Variants in BRME1 observed in about 807,000 individuals in gnomAD.
BRME1 encodes BRCA2 and MEILB2-associating protein 1.
In BRME1, 31 loss-of-function variants were observed where a neutral mutation model predicts 52.6. That is an observed-to-expected ratio of 0.59 (90% CI 0.44 to 0.80). The LOEUF is 0.80. Among genes scored for constraint, BRME1 ranks in the 30% least tolerant of loss-of-function variants. The pLI is 0.00. For missense variants in BRME1, 804 were observed against 860.3 expected, an observed-to-expected ratio of 0.93 and a Z score of 0.82; for synonymous variants, 359 against 353.6, an observed-to-expected ratio of 1.02 and a Z score of -0.17.
Position 13,883,061 on chromosome 19 carries a change from G to T in BRME1, c.1857-109C>A. On this transcript the variant is annotated intron_variant, in intron 8 of 8. Coordinates refer to ENST00000586783, the MANE Select transcript of BRME1 (RefSeq NM_001345843.2). This position sits in a 1 kb window ranked among gnomAD's most constrained non-coding sequence, Gnocchi z 4.2. The stretch of plus-strand genomic sequence containing the variant: ...CCAATGACTCAGGTGCACACACACG[G>T]CTCACACACGTGCACATAACCAGAA... 7.3e-7 allele frequency: 1 copy of T among 1,361,902 alleles called. No homozygotes were observed. The highest frequency in any genetic ancestry group is 1.0e-6 in the Non-Finnish European group (1 of 993,144). The allele number at this position is 1,361,902 out of a possible 1,614,324, so 84.4% of individuals were successfully genotyped here. A position where few individuals can be genotyped will look rare whatever the true frequency, so the allele number is the denominator to read the frequency against.
In BRME1 at chr19:13,883,464, G is replaced by A; in HGVS notation, c.1764-64C>T. On this transcript the variant is annotated intron_variant, in intron 7 of 8. Coordinates refer to ENST00000586783, the MANE Select transcript of BRME1 (RefSeq NM_001345843.2). The surrounding 1 kb of genome is among the most constrained non-coding windows in gnomAD (Gnocchi z 4.2). ...CACTGGACTACCAGAGCTCTCCAGT[G>A]GGAGGGGCTTCCGCAGGGCCTCGCG... 1.6e-6 allele frequency: 2 copies of A among 1,260,114 alleles called. No homozygotes were observed. The highest frequency in any genetic ancestry group is 2.2e-6 in the Non-Finnish European group (2 of 898,312). The allele number at this position is 1,260,114 out of a possible 1,614,324, so 78.1% of individuals were successfully genotyped here.
rs542994317 is a variant in BRME1 at position 13,899,136 on chromosome 19, ATTC to A, written c.32-3593_32-3591del. On this transcript the variant is annotated intron_variant, in intron 2 of 8. Coordinates refer to ENST00000586783, the MANE Select transcript of BRME1 (RefSeq NM_001345843.2). ...AGCAATCTTCCTGTAATTGCTTCTAATTCTTCTTCTTCTTCTTTTTTTTTTTTT... is the reference window on the plus strand; with the variant it reads ...AGCAATCTTCCTGTAATTGCTTCTAATTCTTCTTCTTCTTTTTTTTTTTTT... Among the ~76,000 whole-genome samples the A allele has an allele frequency of 3.4e-3, 495 of 144,128 alleles. 1 individual carries two copies. Among genetic ancestry groups the A allele is most frequent in the Non-Finnish European group, 5.9e-3 (399 of 67,146 alleles). 94.6% of individuals were successfully genotyped at this position (144,128 alleles called of 152,430 possible).
At chr19:13,898,561 G>T (rs1430300724) in intron 2 of BRME1, among the ~76,000 whole-genome samples, 2 of 151,618 alleles carry the variant, frequency 1.3e-5, no homozygotes, top group Non-Finnish European at 2.9e-5. Context: ...AGCAAGCCGT[G>T]ATTGTGCCAC....
intron 1 of BRME1, 56 bp from the exon 2 acceptor site, chr19:13,904,969 C>A: frequency 6.9e-7 from 1 of 1,455,302 alleles, no homozygotes; most frequent in Non-Finnish European, 9.6e-7. Context: ...CTGTTTATAT[C>A]CAGTGGCTTT....
chr19:13,891,106 A>G (rs1969459022), intron 5 of BRME1, among the ~76,000 whole-genome samples: 1 of 150,340 alleles, frequency 6.7e-6, no homozygotes, highest in African/African-American at 2.5e-5. Flanking sequence ...TCAAGGTGGC[A>G]TTCAGACCAC....
chr19:13,884,171 T>C (rs1968835703), intron 7 of BRME1, among the ~76,000 whole-genome samples: 1 of 151,956 alleles, frequency 6.6e-6, no homozygotes, highest in African/African-American at 2.4e-5. Flanking sequence ...GAGACCCCCA[T>C]CTCTACAAAT....
At chr19:13,887,425 C>G (rs1322562135) in intron 6 of BRME1, among the ~76,000 whole-genome samples, 1 of 152,184 alleles carries the variant, frequency 6.6e-6, no homozygotes, top group Non-Finnish European at 1.5e-5. Context: ...TCGGGTTTGA[C>G]CAGCCTGGCT....
chr19:13,893,598 C>G (rs756771668), intron 3 of BRME1, among the ~76,000 whole-genome samples: 5 of 152,054 alleles, frequency 3.3e-5, no homozygotes, highest in South Asian at 2.1e-4. Context: ...TCGAGACAAA[C>G]GCAAAACAAA....
chr19:13,887,175 T>C (rs1005821179), intron 6 of BRME1, among the ~76,000 whole-genome samples: 1 of 152,198 alleles, frequency 6.6e-6, no homozygotes, highest in African/African-American at 2.4e-5. Context: ...GAGGAGGTGC[T>C]GAGACGGCCC....
intron 5 of BRME1, 91 bp from the exon 6 acceptor site, chr19:13,890,553 G>A: frequency 7.9e-7 from 1 of 1,262,044 alleles, no homozygotes; most frequent in Non-Finnish European, 1.0e-6. Flanking sequence ...GTAATTGCGG[G>A]TTTTGTCATT....
intron 4 of BRME1, 109 bp from the exon 5 acceptor site, chr19:13,892,999 C>G (rs1193711620): frequency 6.6e-6 from 9 of 1,359,262 alleles, no homozygotes; most frequent in Non-Finnish European, 9.3e-6. Flanking sequence ...TGAGAGAACT[C>G]CACCCTTGCC....
chr19:13,890,190 A>G lies in BRME1; in HGVS notation c.666T>C (p.Pro222=), dbSNP rs771219621. The G allele has an allele frequency of 1.2e-5, 19 of 1,614,048 alleles. No homozygotes were observed. In the African/African-American group the frequency reaches 2.3e-4, roughly 19 times the overall value. ...LSEQGADDSK[P]ETDRVPGDGG... The stretch of plus-strand genomic sequence containing the variant: ...CGTCACCTGGAACCCTGTCTGTCTC[A>G]GGCTTGCTGTCATCGGCCCCTTGTT... Residue 222 remains proline, a synonymous_variant, in exon 6 of 9, where the codon CCT becomes CCC. Coordinates refer to ENST00000586783, the MANE Select transcript of BRME1 (RefSeq NM_001345843.2).
In BRME1 at chr19:13,883,169, C is replaced by T. The variant is rs117672768; in HGVS notation, c.1856+139G>A. On this transcript the variant is annotated intron_variant, in intron 8 of 8. Transcript: ENST00000586783. This position sits in a 1 kb window ranked among gnomAD's most constrained non-coding sequence, Gnocchi z 4.2. ...TGCAAAGGACGGGGGAGGGGGGCCA[C>T]GGTGAGGACCCAGCAGCAGTGAGGT... 23,109 of 963,018 alleles carry T rather than the reference C, an allele frequency of 0.024. 366 individuals carry two copies. The highest frequency in any genetic ancestry group is 0.05 in the South Asian group (3,123 of 62,314). The allele number at this position is 963,018 out of a possible 1,614,324, so 59.7% of individuals were successfully genotyped here. A position where few individuals can be genotyped will look rare whatever the true frequency, so the allele number is the denominator to read the frequency against.
intron 2 of BRME1, among the ~76,000 whole-genome samples, chr19:13,903,588 G>A (rs1970440761): frequency 1.5e-5 from 2 of 129,658 alleles, no homozygotes; most frequent in South Asian, 2.3e-4. Context: ...CTGCAGAATC[G>A]CTTGAACCCA....
chr19:13,902,570 A>G (rs1970370500), intron 2 of BRME1, among the ~76,000 whole-genome samples: 1 of 151,208 alleles, frequency 6.6e-6, no homozygotes, highest in Non-Finnish European at 1.5e-5. Flanking sequence ...TAGGAGGCAG[A>G]GGTTGCGGTG....
intron 2 of BRME1, among the ~76,000 whole-genome samples, chr19:13,904,303 C>T (rs190118341): frequency 7.2e-5 from 11 of 152,232 alleles, no homozygotes; most frequent in Admixed American, 5.2e-4. Flanking sequence ...GACAGGATCT[C>T]GCTATGTTGC....
chr19:13,901,443 T>C (rs1476814264), intron 2 of BRME1, among the ~76,000 whole-genome samples: 1 of 152,114 alleles, frequency 6.6e-6, no homozygotes, highest in African/African-American at 2.4e-5. Context: ...CGGTGGCTCA[T>C]GCCTGTAATC....
chr19:13,883,389 C>T lies in BRME1; in HGVS notation c.1775G>A (p.Gly592Glu), dbSNP rs914389726. 1.3e-6 allele frequency: 2 copies of T among 1,533,944 alleles called. No individual in the cohort carries two copies. Among genetic ancestry groups the T allele is most frequent in the African/African-American group, 2.7e-5 (2 of 73,106 alleles). ...VAKAQPRTFV[G>E]IQASEASRME... ...CCTGGAGGCCTCAGAGGCCTGGATC[C>T]CCACGAAGGTCCTGGCCAGCAGGGA... Residue 592 changes from glycine (G) to glutamate (E), a missense_variant, in exon 8 of 9, where the codon GGG becomes GAG. Transcript: ENST00000586783. The surrounding 1 kb of genome is among the most constrained non-coding windows in gnomAD (Gnocchi z 4.2).
chr19:13,889,402 T>C lies in BRME1; in HGVS notation c.1454A>G (p.His485Arg). ...VSPQASVVLE[H>R]REIADDPLQE... is the part of the protein sequence containing the mutation. ...GAGAGGGTCGTCTGCTATTTCTCTG[T>C]GTTCCAGCACAACAGAGGCTTGCGG... Residue 485 changes from histidine to arginine, a missense_variant, in exon 6 of 9, where the codon CAC (histidine) becomes CGC (arginine). His to Arg is a conservative substitution (Grantham distance 29, BLOSUM62 0). This residue lies in a region of BRME1 where 552 missense variants were observed against 561.1 expected (regional missense o/e 0.98). Coordinates refer to ENST00000586783, the MANE Select transcript of BRME1 (RefSeq NM_001345843.2). 1 of 1,614,042 alleles carries C rather than the reference T, an allele frequency of 6.2e-7. No individual in the cohort carries two copies. The highest frequency in any genetic ancestry group is 8.5e-7 in the Non-Finnish European group (1 of 1,180,002).
Sources: allele counts gnomAD v4.1 joint callset (sites outside exome capture counted in the v4.1 genomes callset), GRCh38; gene constraint gnomAD v4.1.1; regional missense constraint gnomAD v4.1.1; non-coding constraint Gnocchi (gnomAD v3.1); transcripts MANE v1.5; gene names NCBI Gene and HGNC (gene_info 2026-07-23, HGNC 2026-07-21).